P3H2: variants seen among roughly 807,000 people sequenced by gnomAD.
The protein encoded by P3H2 is leprecan-like 1.
A neutral mutation model predicts 87.0 loss-of-function variants in P3H2; 80 were observed. That is an observed-to-expected ratio of 0.92 (90% CI 0.77 to 1.11). The LOEUF is 1.11. P3H2 is among the 50% of genes least tolerant of loss of function. The pLI is 0.00. For missense variants in P3H2, 1,001 were observed against 923.9 expected (o/e 1.08, Z -1.08); for synonymous variants, 367 against 359.3 (o/e 1.02, Z -0.24).
chr3:190,098,525 G>T (rs1460349932), intron 1 of P3H2, among the ~76,000 whole-genome samples: 9 of 152,140 alleles, frequency 5.9e-5, no homozygotes, highest in Admixed American at 5.9e-4. Context: ...ATTTACTAGG[G>T]CTTACAATAA....
At chr3:190,041,498 A>G (rs1053340340) in intron 1 of P3H2, among the ~76,000 whole-genome samples, 4 of 152,122 alleles carry the variant, frequency 2.6e-5, no homozygotes, top group Non-Finnish European at 5.9e-5. Flanking sequence ...GCTTACTGCA[A>G]TTACAGAATG....
At chr3:190,113,115 T>G (rs548931360) in intron 1 of P3H2, among the ~76,000 whole-genome samples, 1 of 152,234 alleles carries the variant, frequency 6.6e-6, no homozygotes, top group South Asian at 2.1e-4. Context: ...TTACTGCAGG[T>G]CTCAAGTGCA....
At chr3:189,994,491 GTC>G (rs1357811779) in intron 2 of P3H2, among the ~76,000 whole-genome samples, 1 of 152,080 alleles carries the variant, frequency 6.6e-6, no homozygotes, top group Non-Finnish European at 1.5e-5. Context: ...AGTGAGAGGG[GTC>G]TTACTGAGCA....
intron 1 of P3H2, among the ~76,000 whole-genome samples, chr3:190,117,067 G>A (rs1042420156): frequency 6.6e-6 from 1 of 152,200 alleles, no homozygotes; most frequent in African/African-American, 2.4e-5. Context: ...AGGCCAGTGG[G>A]CACAGGAAAG....
chr3:190,120,728 G>A lies in P3H2; in HGVS notation c.4C>T (p.Arg2Trp), dbSNP rs1037878355. The A allele has an allele frequency of 2.2e-5, 34 of 1,519,224 alleles. No homozygotes were observed. The highest frequency in any genetic ancestry group is 2.7e-5 in the Non-Finnish European group (31 of 1,140,806). 94.1% of individuals were successfully genotyped at this position (1,519,224 alleles called of 1,614,324 possible). A position where few individuals can be genotyped will look rare whatever the true frequency, so the allele number is the denominator to read the frequency against. MRERIWAPPLLL... is the reference protein window; with the variant it reads MWERIWAPPLLL... ...AGCGGCGGCGCCCAGATGCGCTCCC[G>A]CATCCTCCGCCTCAGAGAGGCGCGG... Residue 2 changes from arginine (R) to tryptophan (W), a missense_variant, in exon 1 of 15, where the codon CGG becomes TGG. Physicochemically the swap from Arg to Trp is moderately radical, Grantham distance 101. Coordinates refer to ENST00000319332, the MANE Select transcript of P3H2 (RefSeq NM_018192.4).
At chr3:190,004,801 T>G (rs2108930307) in intron 1 of P3H2, among the ~76,000 whole-genome samples, 1 of 152,230 alleles carries the variant, frequency 6.6e-6, no homozygotes, top group African/African-American at 2.4e-5. Flanking sequence ...TTTTGCCTGG[T>G]TTTCATTATA....
chr3:190,037,869 A>G (rs1725473494), intron 1 of P3H2, among the ~76,000 whole-genome samples: 1 of 151,470 alleles, frequency 6.6e-6, no homozygotes, highest in East Asian at 2.0e-4. Flanking sequence ...AGCATCACAC[A>G]TGGGCTCAAA....
chr3:190,066,143 G>GTA (rs60898721), intron 1 of P3H2, among the ~76,000 whole-genome samples: 34,296 of 138,556 alleles, frequency 0.25, 4,979 homozygotes, highest in Admixed American at 0.38. Context: ...ACTGTGGTGT[G>GTA]TATATATATA....
chr3:190,008,416 A>G (rs547274360), intron 1 of P3H2, among the ~76,000 whole-genome samples: 1 of 152,336 alleles, frequency 6.6e-6, no homozygotes, highest in Admixed American at 6.5e-5. Flanking sequence ...GACTGCTAGT[A>G]AGTATAGAAG....
chr3:190,057,784 T>C (rs1247118336), intron 1 of P3H2, among the ~76,000 whole-genome samples: 2 of 152,112 alleles, frequency 1.3e-5, no homozygotes, highest in East Asian at 3.9e-4. Flanking sequence ...CATCGAAACA[T>C]GGGAGTGAAA....
At chr3:190,065,755 C>A (rs983614540) in intron 1 of P3H2, among the ~76,000 whole-genome samples, 13 of 152,066 alleles carry the variant, frequency 8.5e-5, no homozygotes, top group Non-Finnish European at 1.5e-4. Flanking sequence ...ACTGCAATAG[C>A]CTCCTATTTG....
At chr3:189,973,586 C>G (rs1440567085) in intron 10 of P3H2, among the ~76,000 whole-genome samples, 1 of 141,244 alleles carries the variant, frequency 7.1e-6, no homozygotes, top group Admixed American at 7.5e-5. Context: ...TGCAGTGGCG[C>G]GATCTCGGCT....
At chr3:190,100,655 C>T (rs1478966543) in intron 1 of P3H2, among the ~76,000 whole-genome samples, 1 of 152,168 alleles carries the variant, frequency 6.6e-6, no homozygotes, top group African/African-American at 2.4e-5. Context: ...ATATTCCTCA[C>T]TCTAATACAG....
intron 1 of P3H2, among the ~76,000 whole-genome samples, chr3:190,088,646 T>G (rs2108984119): frequency 6.6e-6 from 1 of 152,296 alleles, no homozygotes; most frequent in African/African-American, 2.4e-5. Context: ...GGAGGGCAAA[T>G]GGGTATAGGT....
rs1293473149 is a variant in P3H2 at position 189,966,105 on chromosome 3, AAAAG to A, written c.1894-2011_1894-2008del. 2.7e-3 allele frequency among the ~76,000 whole-genome samples: 244 copies of A among 91,196 alleles called. 4 individuals carry two copies. The highest frequency in any genetic ancestry group is 7.1e-3 in the African/African-American group (142 of 20,026). 59.8% of individuals were successfully genotyped at this position (91,196 alleles called of 152,430 possible). ...AAGGAAGAAAGAAAGAAAGAAAGAA[AAAAG>A]AAAGAAAGAAAGAAAAAGAAAGAAA... is the stretch of plus-strand genomic sequence containing the variant. On this transcript the variant is annotated intron_variant, in intron 13 of 14. Coordinates refer to ENST00000319332, the MANE Select transcript of P3H2 (RefSeq NM_018192.4).
intron 8 of P3H2, among the ~76,000 whole-genome samples, chr3:189,976,162 C>T (rs995743959): frequency 6.6e-6 from 1 of 152,174 alleles, no homozygotes. Context: ...CCTTATAGTA[C>T]TGTTGGTGTG....
chr3:190,094,500 C>T lies in P3H2; in HGVS notation c.480+25752G>A, dbSNP rs534446975. Reference sequence around the variant, plus strand: ...AACCAAATTTAGCAGCCAAGTAAAACAGCCCACTGATTCACATTTTCCCTA... The same window carrying T: ...AACCAAATTTAGCAGCCAAGTAAAATAGCCCACTGATTCACATTTTCCCTA... On this transcript the variant is annotated intron_variant, in intron 1 of 14. Transcript: ENST00000319332. Among the ~76,000 whole-genome samples, 3 of 152,248 alleles carry T rather than the reference C, an allele frequency of 2.0e-5. No homozygotes were observed. In the East Asian group the frequency reaches 5.8e-4, roughly 29 times the overall value.
rs1722692409 is a variant in P3H2, at chr3:189,957,986, C to A, written c.2053G>T (p.Glu685Ter). The change falls in exon 15 of 15, where the codon GAA becomes TAA. Residue 685 changes from glutamate to a stop codon, truncating the protein, a stop_gained. Coordinates refer to ENST00000319332, the MANE Select transcript of P3H2 (RefSeq NM_018192.4). LOFTEE classifies it high-confidence loss of function. ...TCTTGATCCAGAATTGCAATCACTT[C>A]ATCAGCCTGTATTCGCTCCTGCAAA... Reference protein sequence around the residue: ...YRELERIQADEVIAILDQEQQ... With the variant: ...YRELERIQAD 1.2e-6 allele frequency: 2 copies of A among 1,613,438 alleles called. No individual in the cohort carries two copies. The highest frequency in any genetic ancestry group is 8.5e-7 in the Non-Finnish European group (1 of 1,179,472).
chr3:189,974,208 ACT>A lies in P3H2; in HGVS notation c.1453-206_1453-205del, dbSNP rs1723275976. 4 of 604,782 alleles carry A rather than the reference ACT, an allele frequency of 6.6e-6. No homozygotes were observed. In the East Asian group the frequency reaches 1.1e-4, roughly 17 times the overall value. The allele number at this position is 604,782 out of a possible 1,614,324, so 37.5% of individuals were successfully genotyped here. A position where few individuals can be genotyped will look rare whatever the true frequency, so the allele number is the denominator to read the frequency against. On this transcript the variant is annotated intron_variant, in intron 9 of 14. Coordinates refer to ENST00000319332, the MANE Select transcript of P3H2 (RefSeq NM_018192.4). Reference sequence around the variant, plus strand: ...TCATTCTACATTTTTATTATCAAATACTGTCACTTTTTATGGAAATAAAAAGA... The same window carrying A: ...TCATTCTACATTTTTATTATCAAATAGTCACTTTTTATGGAAATAAAAAGA...
Sources: gnomAD v4.1 joint callset for allele counts (sites outside exome capture counted in the v4.1 genomes callset) on GRCh38, gnomAD v4.1.1 for gene constraint, MANE v1.5 for transcripts, NCBI Gene and HGNC (gene_info 2026-07-23, HGNC 2026-07-21) for gene names.